ZSWIM6: variants seen among roughly 807,000 people sequenced by gnomAD.
ZSWIM6 encodes the protein zinc finger SWIM domain-containing protein 6.
Under a neutral mutation model 113.2 loss-of-function variants are expected in ZSWIM6, and 9 were observed. The ratio of observed to expected loss-of-function variants is 0.08; its 90% CI spans 0.05 to 0.14. The LOEUF (loss-of-function observed/expected upper bound fraction) is 0.14, where lower values mean the gene tolerates loss of function less well. ZSWIM6 is among the 10% of genes least tolerant of loss of function. ZSWIM6 has a pLI of 1.00. For synonymous variants in ZSWIM6, 611 were observed against 606.5 expected (o/e 1.01, Z -0.11); for missense variants, 1,162 against 1,552.2 (o/e 0.75, Z 4.22).
intron 1 of ZSWIM6, among the ~76,000 whole-genome samples, chr5:61,346,051 T>A (rs1178878564): frequency 6.6e-6 from 1 of 152,030 alleles, no homozygotes; most frequent in Non-Finnish European, 1.5e-5. Context: ...TTCAAGTGAT[T>A]CTCCTGCCTC....
At chr5:61,538,777 A>G in intron 10 of ZSWIM6, 37 bp from the exon 11 acceptor site, 1 of 1,526,510 alleles carries the variant, frequency 6.6e-7, no homozygotes, top group South Asian at 1.3e-5. Context: ...TGGTCAAGAA[A>G]TAACTAGGGG....
intron 1 of ZSWIM6, among the ~76,000 whole-genome samples, chr5:61,363,137 C>T (rs555102509): frequency 6.6e-6 from 1 of 151,984 alleles, no homozygotes; most frequent in East Asian, 1.9e-4. Flanking sequence ...CTGTGCCCTC[C>T]TTTCCCCACC....
chr5:61,445,807 T>G (rs1746938465), intron 1 of ZSWIM6, among the ~76,000 whole-genome samples: 1 of 152,172 alleles, frequency 6.6e-6, no homozygotes, highest in Admixed American at 6.5e-5. Context: ...AAATTTTTTC[T>G]CATACTCAAG....
At chr5:61,514,890 A>T (rs11742658) in intron 4 of ZSWIM6, among the ~76,000 whole-genome samples, 2 of 151,940 alleles carry the variant, frequency 1.3e-5, no homozygotes, top group African/African-American at 4.8e-5. Context: ...GGCCTCATAC[A>T]GTGGGAACCC....
At chr5:61,448,126 C>G (rs1747005933) in intron 1 of ZSWIM6, among the ~76,000 whole-genome samples, 1 of 152,136 alleles carries the variant, frequency 6.6e-6, no homozygotes, top group African/African-American at 2.4e-5. Flanking sequence ...AGTTTTAAGA[C>G]TGGGAGGATC....
chr5:61,526,466 T>C, intron 7 of ZSWIM6, 70 bp downstream of exon 7: 1 of 1,503,876 alleles, frequency 6.6e-7, no homozygotes, highest in South Asian at 1.3e-5. Flanking sequence ...TTTTGTGTTC[T>C]GGGAGAGATG....
At chr5:61,513,966 C>T (rs903985440) in intron 4 of ZSWIM6, among the ~76,000 whole-genome samples, 5 of 152,064 alleles carry the variant, frequency 3.3e-5, no homozygotes, top group Admixed American at 6.6e-5. Flanking sequence ...TCACTATACA[C>T]ACAAACACTG....
chr5:61,354,974 G>C (rs2112044217), intron 1 of ZSWIM6, among the ~76,000 whole-genome samples: 1 of 152,080 alleles, frequency 6.6e-6, no homozygotes, highest in South Asian at 2.1e-4. Flanking sequence ...TTTATAATCT[G>C]GTCTCATTTT....
chr5:61,475,788 G>A (rs1001993149), intron 2 of ZSWIM6, among the ~76,000 whole-genome samples: 1 of 152,122 alleles, frequency 6.6e-6, no homozygotes, highest in African/African-American at 2.4e-5. Context: ...GACTTAATAG[G>A]TGGTGGGATT....
chr5:61,365,714 A>T (rs1211323971), intron 1 of ZSWIM6, among the ~76,000 whole-genome samples: 1 of 152,124 alleles, frequency 6.6e-6, no homozygotes, highest in Non-Finnish European at 1.5e-5. Flanking sequence ...TGGGCTCATC[A>T]CTGAAAGATG....
intron 1 of ZSWIM6, among the ~76,000 whole-genome samples, chr5:61,412,857 A>G (rs566578764): frequency 6.6e-6 from 1 of 152,156 alleles, no homozygotes; most frequent in South Asian, 2.1e-4. Context: ...GTTCTCATTC[A>G]TTCATTCATT....
chr5:61,525,852 C>G lies in ZSWIM6; in HGVS notation c.1566C>G (p.Cys522Trp), dbSNP rs1173923166. 1 of 1,551,606 alleles carries G rather than the reference C, an allele frequency of 6.4e-7. No homozygotes were observed. Among genetic ancestry groups the G allele is most frequent in the Non-Finnish European group, 8.7e-7 (1 of 1,146,976 alleles). Residue 522 changes from cysteine (C) to tryptophan (W), a missense_variant, in exon 6 of 14, where the codon TGC (cysteine) becomes TGG (tryptophan). Around this residue, in one of 4 missense-constraint regions of ZSWIM6, gnomAD observed 620 missense variants for 804.6 expected, o/e 0.77. Coordinates refer to ENST00000252744, the MANE Select transcript of ZSWIM6 (RefSeq NM_020928.2). ...RTVFTRAIEA[C>W]DLHWQDSHLQ... ...TGTTCACCCGAGCCATCGAGGCATG[C>G]GATCTCCACTGGCAGGATAGCCACT...
intron 10 of ZSWIM6, among the ~76,000 whole-genome samples, chr5:61,537,396 G>C: frequency 6.6e-6 from 1 of 152,164 alleles, no homozygotes; most frequent in Admixed American, 6.5e-5. Context: ...GAACAGGAAG[G>C]AAAAGAGAGA....
chr5:61,412,960 T>C (rs1032784425), intron 1 of ZSWIM6, among the ~76,000 whole-genome samples: 13 of 133,410 alleles, frequency 9.7e-5, no homozygotes, highest in Admixed American at 9.4e-4. Context: ...ATAATGGAAA[T>C]TAGAGATTTT....
chr5:61,421,249 C>T (rs1746350430), intron 1 of ZSWIM6, among the ~76,000 whole-genome samples: 1 of 151,880 alleles, frequency 6.6e-6, no homozygotes, highest in Non-Finnish European at 1.5e-5. Flanking sequence ...GTTTTTGTAC[C>T]CATTAACCAT....
At chr5:61,468,436 ATAATT>A (rs1301623128) in intron 1 of ZSWIM6, among the ~76,000 whole-genome samples, 1 of 152,236 alleles carries the variant, frequency 6.6e-6, no homozygotes, top group Non-Finnish European at 1.5e-5. Flanking sequence ...AAAGGTTTAT[ATAATT>A]TATGTTTTAG....
chr5:61,543,536 C>T lies in ZSWIM6; in HGVS notation c.2867C>T (p.Thr956Ile). 6.4e-7 allele frequency: 1 copy of T among 1,551,650 alleles called. No individual in the cohort carries two copies. Among genetic ancestry groups the T allele is most frequent in the Non-Finnish European group, 8.7e-7 (1 of 1,147,012 alleles). Residue 956 changes from threonine to isoleucine, a missense_variant, in exon 14 of 14, where the codon ACC becomes ATC. Physicochemically the swap from Thr to Ile is moderately conservative, Grantham distance 89 (BLOSUM62 -1). Coordinates refer to ENST00000252744, the MANE Select transcript of ZSWIM6 (RefSeq NM_020928.2). The surrounding 1 kb of genome is among the most constrained non-coding windows in gnomAD (Gnocchi z 4.3). ...GAGGCCACAAGTATAGTTGCAACTACCGTGATGTCCAACAGCACCATCGTC... is the reference window on the plus strand; with the variant it reads ...GAGGCCACAAGTATAGTTGCAACTATCGTGATGTCCAACAGCACCATCGTC... ...PTEATSIVAT[T>I]VMSNSTIVRL... is the part of the protein sequence containing the mutation.
intron 1 of ZSWIM6, among the ~76,000 whole-genome samples, chr5:61,356,005 T>A (rs929495908): frequency 2.0e-5 from 3 of 152,222 alleles, no homozygotes; most frequent in Non-Finnish European, 2.9e-5. Context: ...TCAGTTATGA[T>A]TTGATTACAT....
intron 1 of ZSWIM6, among the ~76,000 whole-genome samples, chr5:61,353,169 A>G (rs539098840): frequency 1.4e-4 from 21 of 152,238 alleles, no homozygotes; most frequent in Admixed American, 6.5e-4. Flanking sequence ...TCTTGGAGAA[A>G]CCTGAAATTT....
Sources: allele counts gnomAD v4.1 joint callset (sites outside exome capture counted in the v4.1 genomes callset), GRCh38; gene constraint gnomAD v4.1.1; regional missense constraint gnomAD v4.1.1; non-coding constraint Gnocchi (gnomAD v3.1); transcripts MANE v1.5; gene names NCBI Gene and HGNC (gene_info 2026-07-23, HGNC 2026-07-21).